Variants in PKHD1 observed in about 807,000 individuals in gnomAD.
PKHD1 encodes fibrocystin.
In PKHD1, 291 loss-of-function variants were observed where a neutral mutation model predicts 412.0. The observed-to-expected ratio is 0.71, with a 90% confidence interval of 0.64 to 0.78. The LOEUF (loss-of-function observed/expected upper bound fraction) is 0.78, where lower values mean the gene tolerates loss of function less well. Ranked by LOEUF, PKHD1 falls within the 30% of genes least tolerant of loss-of-function variation. PKHD1 has a pLI of 0.00. For missense variants in PKHD1, 4,825 were observed against 4,950.7 expected, an observed-to-expected ratio of 0.97 and a Z score of 0.76; for synonymous variants, 1,777 against 1,821.5, an observed-to-expected ratio of 0.98 and a Z score of 0.62.
chr6:52,020,634 T>C (rs1801260058), intron 33 of PKHD1, among the ~76,000 whole-genome samples: 1 of 152,110 alleles, frequency 6.6e-6, no homozygotes, highest in Non-Finnish European at 1.5e-5. Context: ...TACTCCACTT[T>C]CCAAAGAACC....
chr6:52,016,108 T>C (rs1281673528), intron 34 of PKHD1, among the ~76,000 whole-genome samples: 1 of 152,184 alleles, frequency 6.6e-6, no homozygotes, highest in African/African-American at 2.4e-5. Context: ...CAGTCTCACC[T>C]GAGTACAATA....
chr6:51,650,201 T>C (rs1442135928), intron 61 of PKHD1, among the ~76,000 whole-genome samples: 1 of 152,184 alleles, frequency 6.6e-6, no homozygotes. Flanking sequence ...ACATAATTCA[T>C]GACAGTGTAA....
intron 48 of PKHD1, among the ~76,000 whole-genome samples, chr6:51,856,559 T>C (rs547608461): frequency 2.0e-5 from 3 of 152,334 alleles, no homozygotes; most frequent in South Asian, 2.1e-4. Context: ...TATTGGTAAT[T>C]GGATATTCAC....
At chr6:51,689,800 A>AT (rs1187328882) in intron 60 of PKHD1, among the ~76,000 whole-genome samples, 1 of 152,166 alleles carries the variant, frequency 6.6e-6, no homozygotes. Flanking sequence ...GGGGTGAAAG[A>AT]TTTTTTTATC....
In PKHD1 at chr6:52,024,423, G is replaced by A. The variant is rs1436820315; in HGVS notation, c.5236+151C>T. 4.0e-6 allele frequency: 3 copies of A among 746,104 alleles called. No individual in the cohort carries two copies. In the East Asian group the frequency reaches 7.6e-5, roughly 19 times the overall value. The allele number at this position is 746,104 out of a possible 1,614,324, so 46.2% of individuals were successfully genotyped here. On this transcript the variant is annotated intron_variant, in intron 32 of 66. Coordinates refer to ENST00000371117, the MANE Select transcript of PKHD1 (RefSeq NM_138694.4). ...CATAAACAGAGCATAACAAAGACAA[G>A]CCTCAGGAAGGAATTGGGATTGTAA...
chr6:51,839,100 C>G (rs879530618), intron 50 of PKHD1, among the ~76,000 whole-genome samples: 1 of 152,168 alleles, frequency 6.6e-6, no homozygotes, highest in Non-Finnish European at 1.5e-5. Context: ...TTGTAAGCAA[C>G]TTAACCAGAT....
chr6:51,671,685 AC>A (rs1346216597), intron 60 of PKHD1, among the ~76,000 whole-genome samples: 15 of 151,898 alleles, frequency 9.9e-5, no homozygotes, highest in Admixed American at 8.5e-4. Context: ...GGTTTTATCT[AC>A]TTTTGGTCTT....
At chr6:51,688,808 T>C (rs1777782109) in intron 60 of PKHD1, among the ~76,000 whole-genome samples, 1 of 152,112 alleles carries the variant, frequency 6.6e-6, no homozygotes, top group South Asian at 2.1e-4. Flanking sequence ...AGGAAGAAAT[T>C]GAATCCCTGA....
At chr6:51,776,073 G>C (rs1214321683) in intron 53 of PKHD1, 152 bp from the exon 54 acceptor site, 9 of 583,946 alleles carry the variant, frequency 1.5e-5, no homozygotes, top group Non-Finnish European at 2.7e-5. Context: ...ATAAGAGTAG[G>C]ATAAAAAAGA....
At chr6:51,921,412 T>G (rs1784685242) in intron 37 of PKHD1, among the ~76,000 whole-genome samples, 1 of 152,318 alleles carries the variant, frequency 6.6e-6, no homozygotes, top group East Asian at 1.9e-4. Flanking sequence ...GTCTTGGGGT[T>G]GCTCTTCTCA....
intron 49 of PKHD1, among the ~76,000 whole-genome samples, chr6:51,849,426 G>A (rs1417016302): frequency 6.6e-6 from 1 of 152,056 alleles, no homozygotes; most frequent in Admixed American, 6.5e-5. Context: ...GGGATTGCTG[G>A]GTCAAATGGT....
intron 49 of PKHD1, among the ~76,000 whole-genome samples, chr6:51,852,330 C>T (rs548309004): frequency 1.3e-5 from 2 of 151,998 alleles, no homozygotes; most frequent in Non-Finnish European, 2.9e-5. Context: ...ATTATGTGGT[C>T]GATTTTAGAT....
chr6:52,030,319 G>A (rs1802850130), intron 29 of PKHD1, among the ~76,000 whole-genome samples: 1 of 152,090 alleles, frequency 6.6e-6, no homozygotes, highest in African/African-American at 2.4e-5. Context: ...TCAATAACAT[G>A]GTTAATAAAG....
At chr6:51,950,222 T>A (rs200631730) in intron 36 of PKHD1, among the ~76,000 whole-genome samples, 14,213 of 63,988 alleles carry the variant, frequency 0.22, 930 homozygotes, top group African/African-American at 0.28. Context: ...AAAAAAAAAA[T>A]ATATATATAT....
At chr6:51,975,953 T>A (rs1322140525) in intron 35 of PKHD1, 1 of 113,760 alleles carries the variant, frequency 8.8e-6, no homozygotes, top group Non-Finnish European at 1.7e-5. Flanking sequence ...AGCGAGACCC[T>A]TTCTCTAATT....
chr6:51,682,004 T>C (rs938590549), intron 60 of PKHD1, among the ~76,000 whole-genome samples: 2 of 152,088 alleles, frequency 1.3e-5, no homozygotes, highest in Non-Finnish European at 2.9e-5. Context: ...ATCTTTCAGC[T>C]TGAGTTCCTG....
Position 52,025,874 on chromosome 6 carries a change from A to G in PKHD1, c.3936T>C (p.Asn1312=), listed in dbSNP as rs757243486. The part of the protein sequence containing the change: ...VVTAMQGEIT[N]SSLSLHVGGS... ...CTCCCACATGCAGGCTCAGGCTGCT[A>G]TTTGTGATTTCTCCTTGCATGGCAG... Residue 1312 remains asparagine (N), a synonymous_variant, in exon 32 of 67, where the codon AAT becomes AAC. Coordinates refer to ENST00000371117, the MANE Select transcript of PKHD1 (RefSeq NM_138694.4). 1.4e-5 allele frequency: 23 copies of G among 1,614,056 alleles called. No homozygotes were observed. The South Asian group carries it at 2.0e-4, about 14-fold the overall frequency.
At chr6:51,982,162 A>G (rs1182086160) in intron 35 of PKHD1, among the ~76,000 whole-genome samples, 1 of 44,224 alleles carries the variant, frequency 2.3e-5, no homozygotes, top group Non-Finnish European at 5.0e-5. Context: ...TCCGCCCGGC[A>G]GCCACCCCGT....
chr6:51,869,962 C>T (rs554853505), intron 47 of PKHD1, among the ~76,000 whole-genome samples: 1 of 152,198 alleles, frequency 6.6e-6, no homozygotes, highest in South Asian at 2.1e-4. Context: ...CCCATGAGTC[C>T]TCCAAGTTAT....
Sources: allele counts gnomAD v4.1 joint callset (sites outside exome capture counted in the v4.1 genomes callset), GRCh38; gene constraint gnomAD v4.1.1; transcripts MANE v1.5; gene names NCBI Gene and HGNC (gene_info 2026-07-23, HGNC 2026-07-21).